Variants in SHOX observed in about 807,000 individuals in gnomAD.
SHOX encodes short stature homeobox protein.
A neutral mutation model predicts 29.6 loss-of-function variants in SHOX; 12 were observed. The ratio of observed to expected loss-of-function variants is 0.41; its 90% CI spans 0.26 to 0.66. The LOEUF (loss-of-function observed/expected upper bound fraction) is 0.66, where lower values mean the gene tolerates loss of function less well. SHOX is among the 30% of genes least tolerant of loss of function. SHOX has a pLI of 0.35. For synonymous variants in SHOX, 214 were observed against 200.6 expected (o/e 1.07, Z -0.57); for missense variants, 499 against 437.7 (o/e 1.14, Z -1.25).
At chrX:624,874 C>T (rs867293770) in intron 1 of SHOX, among the ~76,000 whole-genome samples, 7 of 26,332 alleles carry the variant, frequency 2.7e-4, no homozygotes, top group Admixed American at 3.1e-4. Flanking sequence ...TTCTTTCTTT[C>T]TTTCTTTCTT....
At chrX:643,234 G>GGGGAGAGGCTTGGGGACCTGGTGTCCT (rs1569494978) in intron 4 of SHOX, among the ~76,000 whole-genome samples, 9 of 124,848 alleles carry the variant, frequency 7.2e-5, no homozygotes, top group African/African-American at 2.8e-4. Context: ...CTGGTGTCCT[G>GGGGAGAGGCTTGGGGACCTGGTGTCCT]GGGAGAGGCT....
At chrX:642,507 C>T (rs924037538) in intron 4 of SHOX, among the ~76,000 whole-genome samples, 1 of 152,190 alleles carries the variant, frequency 6.6e-6, no homozygotes, top group Non-Finnish European at 1.5e-5. Context: ...TCGCCGCTAG[C>T]TCTCCAGCTC....
upstream of SHOX, among the ~76,000 whole-genome samples, chrX:627,669 G>GC (rs11449323): frequency 0.097 from 14,798 of 152,204 alleles, 1,680 homozygotes; most frequent in African/African-American, 0.27. Context: ...GCCTTGAATA[G>GC]CCACACAGCT....
downstream of SHOX, among the ~76,000 whole-genome samples, chrX:651,959 G>A (rs923153079): frequency 4.0e-5 from 6 of 151,496 alleles, no homozygotes. Context: ...TCGCTCTGTC[G>A]CCCAGGCCGG....
intron 1 of SHOX, among the ~76,000 whole-genome samples, chrX:632,173 G>C (rs2052662833): frequency 6.6e-6 from 1 of 151,980 alleles, no homozygotes; most frequent in Non-Finnish European, 1.5e-5. Flanking sequence ...CCCCGGGGAA[G>C]CTGGCGGCTT....
At chrX:644,300 G>A (rs1184839621) in intron 4 of SHOX, 91 bp from the exon 5 acceptor site, 6 of 1,410,614 alleles carry the variant, frequency 4.3e-6, no homozygotes, top group South Asian at 2.9e-5. Flanking sequence ...TAGGGGAGAA[G>A]AGGCACGTTG....
intron 4 of SHOX, among the ~76,000 whole-genome samples, chrX:644,012 G>A (rs1315004476): frequency 2.9e-5 from 2 of 68,554 alleles, no homozygotes; most frequent in Non-Finnish European, 7.1e-5. Flanking sequence ...GAGGCTTGGG[G>A]ACCTGGTGTC....
At chrX:626,099 A>C (rs1200865853), upstream of SHOX, among the ~76,000 whole-genome samples, 1 of 12,430 alleles carries the variant, frequency 8.0e-5, no homozygotes, top group Non-Finnish European at 1.6e-4. Context: ...CTCTGTCTGT[A>C]TCTCTGTCTA....
At chrX:633,342 G>A (rs976880738) in intron 1 of SHOX, among the ~76,000 whole-genome samples, 3 of 152,080 alleles carry the variant, frequency 2.0e-5, no homozygotes, top group African/African-American at 7.2e-5. Context: ...ATGAAGGAGG[G>A]AGAGCTGGGG....
chrX:627,434 G>C (rs938021234), upstream of SHOX, among the ~76,000 whole-genome samples: 1 of 152,166 alleles, frequency 6.6e-6, no homozygotes, highest in African/African-American at 2.4e-5. Context: ...GGTGAGAGGG[G>C]TGAGGCCGCC....
Position 648,564 on chromosome X carries a change from C to A in SHOX, c.*3928C>A, listed in dbSNP as rs1311868098. Among the ~76,000 whole-genome samples, 2 of 152,182 alleles carry A rather than the reference C, an allele frequency of 1.3e-5. No homozygotes were observed. The highest frequency in any genetic ancestry group is 4.8e-5 in the African/African-American group (2 of 41,432). On this transcript the variant is annotated 3_prime_UTR_variant, in exon 5 of 5. Coordinates refer to ENST00000686671, the MANE Select transcript of SHOX (RefSeq NM_000451.4). Reference sequence around the variant, plus strand: ...CTTTTAAAAGGGAGTTACTGACTCTCAACTGTGCGGGGACGGTTTCAGTTT... The same window carrying A: ...CTTTTAAAAGGGAGTTACTGACTCTAAACTGTGCGGGGACGGTTTCAGTTT...
At position 648,814 on chromosome X, in the gene SHOX, C is replaced by T. The variant is rs1402742613; in HGVS notation, c.*4178C>T. On this transcript the variant is annotated 3_prime_UTR_variant, in exon 5 of 5. Transcript: ENST00000686671. The stretch of plus-strand genomic sequence containing the variant: ...GCTGCTTCTTTCTCCCTGAAACTCT[C>T]GGATGGAAGGAAGTAAGAAATTCAG... Among the ~76,000 whole-genome samples the T allele has an allele frequency of 6.6e-6, 1 of 151,986 alleles. No homozygotes were observed. Among genetic ancestry groups the T allele is most frequent in the Non-Finnish European group, 1.5e-5 (1 of 68,008 alleles).
intron 2 of SHOX, among the ~76,000 whole-genome samples, chrX:638,291 G>C (rs1385782174): frequency 6.6e-6 from 1 of 151,902 alleles, no homozygotes; most frequent in African/African-American, 2.4e-5. Context: ...TGAAGGGAGA[G>C]TGAATGAGGC....
At chrX:624,904 C>CTTTCTTTCTTCCTTTCTT (rs2052485772) in intron 1 of SHOX, among the ~76,000 whole-genome samples, 1 of 94,850 alleles carries the variant, frequency 1.1e-5, no homozygotes, top group East Asian at 2.9e-4. Context: ...CTTTCTTTCT[C>CTTTCTTTCTTCCTTTCTT]TCTTCCTTTC....
In SHOX at chrX:634,671, G is replaced by T; in HGVS notation, c.331G>T (p.Gly111Trp). The T allele has an allele frequency of 2.5e-6, 4 of 1,613,878 alleles. No individual in the cohort carries two copies. In the South Asian group the frequency reaches 3.3e-5, roughly 13 times the overall value. ...GGACGTGAAGTCGGAGGACGAGGAC[G>T]GGCAGACCAAGCTGAAACAGAGGCG... ...REDVKSEDED[G>W]QTKLKQRRSR... The change falls in exon 2 of 5, where the codon GGG (glycine) becomes TGG (tryptophan). Residue 111 changes from glycine (G) to tryptophan (W), a missense_variant. Physicochemically the swap from Gly to Trp is radical, Grantham distance 184. Transcript: ENST00000686671.
rs1456275091 is a variant in SHOX at position 650,574 on chromosome X, T to G, written c.*5938T>G. 6.6e-6 allele frequency among the ~76,000 whole-genome samples: 1 copy of G among 151,798 alleles called. No individual in the cohort carries two copies. The highest frequency in any genetic ancestry group is 1.5e-5 in the Non-Finnish European group (1 of 67,962). ...GAGTCCTCTGTCCTCGCCTCTGGGTTTCATGCTGACCTTTCTAACATTTGT... is the reference window on the plus strand; with the variant it reads ...GAGTCCTCTGTCCTCGCCTCTGGGTGTCATGCTGACCTTTCTAACATTTGT... On this transcript the variant is annotated 3_prime_UTR_variant, in exon 5 of 5. Transcript: ENST00000686671.
At chrX:625,670 TC>T (rs2052514934) in intron 1 of SHOX, among the ~76,000 whole-genome samples, 1 of 138,354 alleles carries the variant, frequency 7.2e-6, no homozygotes, top group African/African-American at 2.7e-5. Context: ...TCTTCGTTCC[TC>T]TCTCTCTTTT....
Position 644,842 on chromosome X carries a change from G to A in SHOX, c.*206G>A. The A allele has an allele frequency of 1.5e-6, 1 of 662,328 alleles. No homozygotes were observed. The highest frequency in any genetic ancestry group is 2.2e-6 in the Non-Finnish European group (1 of 444,886). 41.0% of individuals were successfully genotyped at this position (662,328 alleles called of 1,614,324 possible). A position where few individuals can be genotyped will look rare whatever the true frequency, so the allele number is the denominator to read the frequency against. ...GCCAGACCCTCGCGGAGATGGTGCAGAAGGCGGAGCGGGTGAGCGGCCGTG... is the reference window on the plus strand; with the variant it reads ...GCCAGACCCTCGCGGAGATGGTGCAAAAGGCGGAGCGGGTGAGCGGCCGTG... On this transcript the variant is annotated 3_prime_UTR_variant, in exon 5 of 5. Coordinates refer to ENST00000686671, the MANE Select transcript of SHOX (RefSeq NM_000451.4).
At chrX:654,261 A>T (rs1360318669), downstream of SHOX, among the ~76,000 whole-genome samples, 12 of 151,228 alleles carry the variant, frequency 7.9e-5, no homozygotes, top group Non-Finnish European at 1.5e-5. Context: ...ACATAGCGAG[A>T]CCCTCATCTC....
Sources: gnomAD v4.1 joint callset for allele counts (sites outside exome capture counted in the v4.1 genomes callset) on GRCh38, gnomAD v4.1.1 for gene constraint, MANE v1.5 for transcripts, NCBI Gene and HGNC (gene_info 2026-07-23, HGNC 2026-07-21) for gene names.